SYNRG: variants seen among roughly 807,000 people sequenced by gnomAD.
The protein encoded by SYNRG is AP1 gamma subunit binding protein 1.
Under a neutral mutation model 130.9 loss-of-function variants are expected in SYNRG, and 37 were observed. The observed-to-expected ratio is 0.28, with a 90% confidence interval of 0.22 to 0.37. SYNRG has a LOEUF of 0.37. SYNRG is among the 10% of genes least tolerant of loss of function. SYNRG has a pLI of 1.00. For missense variants in SYNRG, 1,338 were observed against 1,588.9 expected, an observed-to-expected ratio of 0.84 and a Z score of 2.68; for synonymous variants, 539 against 568.1, an observed-to-expected ratio of 0.95 and a Z score of 0.73.
At chr17:37,527,812 T>TCC in intron 19 of SYNRG, among the ~76,000 whole-genome samples, 1 of 150,704 alleles carries the variant, frequency 6.6e-6, no homozygotes, top group Admixed American at 6.6e-5. Context: ...TGGAACCAAT[T>TCC]CCCCCCCCAT....
At chr17:37,536,235 C>G in intron 18 of SYNRG, 108 bp from the exon 19 acceptor site, 1 of 1,305,672 alleles carries the variant, frequency 7.7e-7, no homozygotes, top group Non-Finnish European at 1.0e-6. Context: ...ATGGGTGTAT[C>G]TGGACAGAGG....
intron 6 of SYNRG, among the ~76,000 whole-genome samples, chr17:37,581,678 C>T (rs1299655651): frequency 6.6e-6 from 1 of 152,124 alleles, no homozygotes; most frequent in Non-Finnish European, 1.5e-5. Context: ...CCTCTGCCTC[C>T]CAGGTTCAAG....
chr17:37,594,193 AATT>A (rs1351974417), intron 3 of SYNRG, among the ~76,000 whole-genome samples: 1 of 122,200 alleles, frequency 8.2e-6, no homozygotes, highest in African/African-American at 3.3e-5. Flanking sequence ...TAATTATTTT[AATT>A]ATATTAATTA....
intron 1 of SYNRG, among the ~76,000 whole-genome samples, chr17:37,608,104 G>A (rs1011676264): frequency 2.0e-5 from 3 of 151,870 alleles, no homozygotes; most frequent in Non-Finnish European, 2.9e-5. Flanking sequence ...ACAACGGAGA[G>A]AACAAAAGAG....
At position 37,520,226 on chromosome 17, in the gene SYNRG, T is replaced by C. The variant is rs371656470; in HGVS notation, c.3778-12A>G. ...GGCTTCTCTTCTTTCTGAAATAACG[T>C]TGAAACCACAGGTCAACAACATTCC... On this transcript the variant is annotated splice_polypyrimidine_tract_variant and intron_variant, in intron 20 of 21. Coordinates refer to ENST00000612223, the MANE Select transcript of SYNRG (RefSeq NM_007247.6). 64 of 1,614,044 alleles carry C rather than the reference T, an allele frequency of 4.0e-5. No individual in the cohort carries two copies. Among genetic ancestry groups the C allele is most frequent in the Non-Finnish European group, 5.2e-5 (61 of 1,180,014 alleles).
At chr17:37,597,826 A>G (rs1172392675) in intron 2 of SYNRG, among the ~76,000 whole-genome samples, 1 of 152,266 alleles carries the variant, frequency 6.6e-6, no homozygotes, top group African/African-American at 2.4e-5. Flanking sequence ...TAGTCTGAGC[A>G]CAAATTTCAT....
intron 18 of SYNRG, chr17:37,537,417 C>G (rs542286817): frequency 6.6e-6 from 1 of 152,576 alleles, no homozygotes; most frequent in African/African-American, 2.4e-5. Flanking sequence ...CGCTTGAGCT[C>G]AGGAGTTCGA....
chr17:37,537,689 G>A (rs557592450), intron 18 of SYNRG, among the ~76,000 whole-genome samples: 46 of 152,288 alleles, frequency 3.0e-4, no homozygotes, highest in African/African-American at 1.1e-3. Flanking sequence ...AAAGGTAATA[G>A]GGCTAAGGAG....
At chr17:37,608,574 TA>T (rs1297722171) in intron 1 of SYNRG, among the ~76,000 whole-genome samples, 1 of 152,220 alleles carries the variant, frequency 6.6e-6, no homozygotes, top group Non-Finnish European at 1.5e-5. Context: ...CAGATTTGTT[TA>T]AGGGCTGAGT....
intron 6 of SYNRG, among the ~76,000 whole-genome samples, chr17:37,580,510 T>TGTGTGTGTGAGAGAGA (rs1384344164): frequency 1.6e-5 from 2 of 127,718 alleles, no homozygotes; most frequent in African/African-American, 7.3e-5. Flanking sequence ...TGTGTGTGTG[T>TGTGTGTGTGAGAGAGA]GAGAGAGAGA....
At chr17:37,539,152 A>G (rs1225642539) in intron 17 of SYNRG, 40 bp downstream of exon 17, 3 of 1,607,988 alleles carry the variant, frequency 1.9e-6, no homozygotes, top group Non-Finnish European at 2.5e-6. Context: ...GGCACAAAAG[A>G]GCACTCACAT....
rs1046111465 is a variant in SYNRG at position 37,553,843 on chromosome 17, C to T, written c.1880G>A (p.Ser627Asn). ...AGCTGAAAAAGACAATGGTTTCTCG[C>T]TGCTGCAATTAACTGAGGAAAACAT... ...LDMFSSVNCSSEKPLSFSAVF... is the reference protein window; with the variant it reads ...LDMFSSVNCSNEKPLSFSAVF... The change falls in exon 14 of 22, where the codon AGC becomes AAC. Residue 627 changes from serine to asparagine, a missense_variant. Transcript: ENST00000612223. 1 of 1,612,844 alleles carries T rather than the reference C, an allele frequency of 6.2e-7. No homozygotes were observed.
chr17:37,567,390 GA>G lies in SYNRG; in HGVS notation c.1481+1400del, dbSNP rs2060076410. The G allele has an allele frequency of 3.3e-5, 5 of 152,336 alleles. No homozygotes were observed. The South Asian group carries it at 1.0e-3, about 32-fold the overall frequency. 9.4% of individuals were successfully genotyped at this position (152,336 alleles called of 1,614,324 possible). ...CACATTTTTATGTGGCTTTGAGTAG[GA>G]AAACACTAAAGGTAATTTCATGCAG... On this transcript the variant is annotated intron_variant, in intron 11 of 21. Transcript: ENST00000612223.
At chr17:37,561,151 T>TA (rs771349090) in intron 13 of SYNRG, 44 bp downstream of exon 13, 7 of 1,545,028 alleles carry the variant, frequency 4.5e-6, no homozygotes, top group Non-Finnish European at 6.2e-6. Flanking sequence ...CCTTTTTTAT[T>TA]AAAAATGGAA....
chr17:37,527,162 G>C (rs1341270568), intron 19 of SYNRG, among the ~76,000 whole-genome samples: 1 of 152,236 alleles, frequency 6.6e-6, no homozygotes, highest in Non-Finnish European at 1.5e-5. Flanking sequence ...AGTGGAATCA[G>C]AGAGCCTGTA....
chr17:37,609,224 C>T (rs1471887382), intron 1 of SYNRG, 55 bp downstream of exon 1: 1 of 1,383,304 alleles, frequency 7.2e-7, no homozygotes, highest in African/African-American at 1.5e-5. Flanking sequence ...CTGCCAAGCG[C>T]CCCTCGCCGC....
chr17:37,535,843 T>A (rs1442277352), intron 19 of SYNRG, 136 bp downstream of exon 19: 1 of 1,184,034 alleles, frequency 8.4e-7, no homozygotes, highest in Non-Finnish European at 1.2e-6. Context: ...ACACCTGTGA[T>A]CTCCCTCCTT....
intron 1 of SYNRG, among the ~76,000 whole-genome samples, chr17:37,606,210 T>C (rs2063734397): frequency 6.6e-6 from 1 of 152,216 alleles, no homozygotes; most frequent in Admixed American, 6.6e-5. Flanking sequence ...CATCGTTTCC[T>C]TAGTGTTGAC....
chr17:37,589,662 CG>C lies in SYNRG; in HGVS notation c.241-3114del, dbSNP rs2061985068. The stretch of plus-strand genomic sequence containing the variant: ...TATTCGGGAGGCTGAGGCAGGAGAA[CG>C]GTGTGAACCCGGGAGGCAGAGCATG... On this transcript the variant is annotated intron_variant, in intron 3 of 21. Coordinates refer to ENST00000612223, the MANE Select transcript of SYNRG (RefSeq NM_007247.6). 2.0e-5 allele frequency among the ~76,000 whole-genome samples: 3 copies of C among 151,326 alleles called. No homozygotes were observed. The South Asian group carries it at 6.3e-4, about 32-fold the overall frequency.
Sources: allele counts gnomAD v4.1 joint callset (sites outside exome capture counted in the v4.1 genomes callset), GRCh38; gene constraint gnomAD v4.1.1; transcripts MANE v1.5; gene names NCBI Gene and HGNC (gene_info 2026-07-23, HGNC 2026-07-21).